The following TRPS1 variants were observed in gnomAD, a reference collection of about 807,000 sequenced individuals.
TRPS1 encodes zinc finger transcription factor Trps1.
In TRPS1, 6 loss-of-function variants were observed where a neutral mutation model predicts 101.2. The ratio of observed to expected loss-of-function variants is 0.06; its 90% CI spans 0.03 to 0.12. The LOEUF (loss-of-function observed/expected upper bound fraction) is 0.12. Among genes scored for constraint, TRPS1 ranks in the 10% least tolerant of loss-of-function variants. The pLI is 1.00. For missense variants in TRPS1, 1,363 were observed against 1,567.0 expected (o/e 0.87, Z 2.20); for synonymous variants, 578 against 589.8 (o/e 0.98, Z 0.29).
chr8:115,480,565 G>A (rs1814727008), intron 5 of TRPS1, among the ~76,000 whole-genome samples: 1 of 151,926 alleles, frequency 6.6e-6, no homozygotes, highest in Admixed American at 6.6e-5. Flanking sequence ...CTCATTTTAA[G>A]CTACCATAGG....
intron 1 of TRPS1, among the ~76,000 whole-genome samples, chr8:115,641,983 G>A (rs1563664642): frequency 1.3e-5 from 2 of 152,092 alleles, no homozygotes; most frequent in African/African-American, 4.8e-5. Flanking sequence ...AGACTGAGAT[G>A]GGAAGAATTC....
chr8:115,424,107 C>T (rs1338504857), intron 5 of TRPS1, among the ~76,000 whole-genome samples: 1 of 152,142 alleles, frequency 6.6e-6, no homozygotes, highest in Non-Finnish European at 1.5e-5. Flanking sequence ...AAGAACCATA[C>T]TGAAACCATG....
At chr8:115,556,003 C>T (rs1029170060) in intron 5 of TRPS1, among the ~76,000 whole-genome samples, 12 of 151,750 alleles carry the variant, frequency 7.9e-5, no homozygotes, top group African/African-American at 1.9e-4. Flanking sequence ...CCAGCCTGGA[C>T]GACAGAGACT....
rs528604126 is a variant in TRPS1 at position 115,518,673 on chromosome 8, G to GA, written c.2700+68327dup. Among the ~76,000 whole-genome samples, 190 of 151,876 alleles carry GA rather than the reference G, an allele frequency of 1.3e-3. 1 individual carries two copies. In the Middle Eastern group the frequency reaches 0.014, roughly 11 times the overall value. On this transcript the variant is annotated intron_variant, in intron 5 of 6. Coordinates refer to ENST00000395715, the MANE Select transcript of TRPS1 (RefSeq NM_014112.5). ...ACCCCTGTAGATGTTAGTGTAAATG[G>GA]AGAAAATTATTAGGGACAGTGGATA...
chr8:115,498,379 C>G lies in TRPS1; in HGVS notation c.2701-79927G>C, dbSNP rs1159131831. On this transcript the variant is annotated intron_variant, in intron 5 of 6. Coordinates refer to ENST00000395715, the MANE Select transcript of TRPS1 (RefSeq NM_014112.5). The stretch of plus-strand genomic sequence containing the variant: ...GGCAACAAAGAGAGAGCCCGTCTCT[C>G]TCTCTCTCTCTCTCTCTCTCTCTCT... Among the ~76,000 whole-genome samples, 241 of 59,714 alleles carry G rather than the reference C, an allele frequency of 4.0e-3. 23 individuals carry two copies. The highest frequency in any genetic ancestry group is 7.9e-3 in the African/African-American group (110 of 13,920). The allele number at this position is 59,714 out of a possible 152,430, so 39.2% of individuals were successfully genotyped here.
intron 5 of TRPS1, among the ~76,000 whole-genome samples, chr8:115,444,890 C>A (rs1025319053): frequency 1.4e-4 from 22 of 152,142 alleles, no homozygotes; most frequent in African/African-American, 5.3e-4. Context: ...GGGATAGCTC[C>A]TTGCACTTGT....
At chr8:115,588,096 A>AT (rs545529742) in intron 4 of TRPS1, among the ~76,000 whole-genome samples, 1 of 152,114 alleles carries the variant, frequency 6.6e-6, no homozygotes, top group Non-Finnish European at 1.5e-5. Flanking sequence ...TAAATTGAGG[A>AT]TTTTTCCCCC....
chr8:115,634,004 C>A (rs1818710801), intron 1 of TRPS1, among the ~76,000 whole-genome samples: 1 of 146,380 alleles, frequency 6.8e-6, no homozygotes, highest in Admixed American at 6.6e-5. Flanking sequence ...TAGCAACTAA[C>A]CAAAACAAAC....
At chr8:115,567,959 A>G (rs1486662384) in intron 5 of TRPS1, among the ~76,000 whole-genome samples, 4 of 152,128 alleles carry the variant, frequency 2.6e-5, no homozygotes, top group Non-Finnish European at 5.9e-5. Context: ...TCATACTGAG[A>G]GTTTTAAACC....
At chr8:115,668,365 T>TTTC (rs1204528742) in intron 1 of TRPS1, 180 bp downstream of exon 1, 67 of 143,256 alleles carry the variant, frequency 4.7e-4, no homozygotes, top group African/African-American at 1.7e-3. Flanking sequence ...TTTTTTTTTT[T>TTTC]CAAAGAAAGT....
At chr8:115,466,710 G>GC (rs1814327747) in intron 5 of TRPS1, among the ~76,000 whole-genome samples, 1 of 152,116 alleles carries the variant, frequency 6.6e-6, no homozygotes, top group South Asian at 2.1e-4. Flanking sequence ...AGTAGGGACT[G>GC]CTCTTTTCAT....
At chr8:115,618,663 C>T (rs1451916074) in intron 3 of TRPS1, among the ~76,000 whole-genome samples, 1 of 152,142 alleles carries the variant, frequency 6.6e-6, no homozygotes, top group East Asian at 1.9e-4. Flanking sequence ...CTGCAACCAT[C>T]AATATGAACC....
rs73706614 is a variant in TRPS1, at chr8:115,502,502, C to T, written c.2701-84050G>A. ...TGGACATTTGTAAGACTGTAGGTTTCAAAACACCTAAAGGCTATCGGCTAT... is the reference window on the plus strand; with the variant it reads ...TGGACATTTGTAAGACTGTAGGTTTTAAAACACCTAAAGGCTATCGGCTAT... On this transcript the variant is annotated intron_variant, in intron 5 of 6. Transcript: ENST00000395715. 6.8e-3 allele frequency among the ~76,000 whole-genome samples: 1,031 copies of T among 152,210 alleles called. 14 individuals are homozygous for T. The highest frequency in any genetic ancestry group is 0.024 in the African/African-American group (991 of 41,526).
chr8:115,587,071 C>T lies in TRPS1; in HGVS notation c.2630G>A (p.Gly877Glu). 6.2e-7 allele frequency: 1 copy of T among 1,614,150 alleles called. No individual in the cohort carries two copies. Among genetic ancestry groups the T allele is most frequent in the Non-Finnish European group, 8.5e-7 (1 of 1,180,014 alleles). Residue 877 changes from glycine to glutamate, a missense_variant, in exon 5 of 7, where the codon GGG becomes GAG. Physicochemically the swap from Gly to Glu is moderately conservative, Grantham distance 98. This residue lies in a region of TRPS1 where 1,020 missense variants were observed against 1,073.0 expected (regional missense o/e 0.95). Transcript: ENST00000395715. ...QGAPAGGEKS[G>E]ALPQQYPASG... is the part of the protein sequence containing the mutation. ...TGCAGGATACTGCTGGGGGAGGGCC[C>T]CAGACTTCTCTCCGCCAGCTGGCGC...
intron 5 of TRPS1, among the ~76,000 whole-genome samples, chr8:115,535,408 CATATATAGTGCAT>C (rs146154903): frequency 0.052 from 7,590 of 146,326 alleles, 718 homozygotes; most frequent in African/African-American, 0.18. Context: ...ATATATATAG[CATATATAGTGCAT>C]ATATATAGTG....
chr8:115,424,673 C>G (rs957952045), intron 5 of TRPS1, among the ~76,000 whole-genome samples: 1 of 152,182 alleles, frequency 6.6e-6, no homozygotes, highest in Admixed American at 6.5e-5. Flanking sequence ...ACCTAATAAT[C>G]AGAGGGGTTA....
intron 5 of TRPS1, among the ~76,000 whole-genome samples, chr8:115,500,568 T>G (rs1815291315): frequency 6.6e-6 from 1 of 152,180 alleles, no homozygotes; most frequent in Non-Finnish European, 1.5e-5. Flanking sequence ...GTTGCCAGTT[T>G]ATCACTTGAT....
At position 115,654,066 on chromosome 8, in the gene TRPS1, G is replaced by T. The variant is rs190240310; in HGVS notation, c.-122+14479C>A. Among the ~76,000 whole-genome samples the T allele has an allele frequency of 2.6e-5, 4 of 152,332 alleles. No homozygotes were observed. The East Asian group carries it at 7.7e-4, about 29-fold the overall frequency. ...TACAATATAACTATTAGGTTTGAAA[G>T]ATAAGAAACAAGGGATTTAAGTAAA... On this transcript the variant is annotated intron_variant, in intron 1 of 6. Transcript: ENST00000395715.
At chr8:115,465,213 G>A (rs954932771) in intron 5 of TRPS1, among the ~76,000 whole-genome samples, 1 of 152,012 alleles carries the variant, frequency 6.6e-6, no homozygotes, top group Admixed American at 6.6e-5. Context: ...TATTATAATT[G>A]CTGTTTTGTT....
Sources: allele counts gnomAD v4.1 joint callset (sites outside exome capture counted in the v4.1 genomes callset), GRCh38; gene constraint gnomAD v4.1.1; regional missense constraint gnomAD v4.1.1; transcripts MANE v1.5; gene names NCBI Gene and HGNC (gene_info 2026-07-23, HGNC 2026-07-21).